RAB9B: variants seen among roughly 807,000 people sequenced by gnomAD.
The protein encoded by RAB9B is ras-related protein Rab-9B.
RAB9B carries 1 observed loss-of-function variant against 8.9 expected under a neutral mutation model. That is an observed-to-expected ratio of 0.11 (90% confidence interval 0.04 to 0.53). The LOEUF (loss-of-function observed/expected upper bound fraction) is 0.53. Ranked by LOEUF, RAB9B falls within the 20% of genes least tolerant of loss-of-function variation. The probability of loss-of-function intolerance (pLI) is 0.93; values close to 1 mark genes in which losing one functional copy is unlikely to be tolerated. For synonymous variants in RAB9B, 63 were observed against 57.0 expected (o/e 1.10, Z -0.47); for missense variants, 82 against 152.9 (o/e 0.54, Z 2.45).
the RAB9B span, among the ~76,000 whole-genome samples, chrX:103,777,520 G>C: frequency 8.9e-6 from 1 of 112,409 alleles, no homozygotes; most frequent in African/African-American, 3.2e-5. Flanking sequence ...TTCAGGAAAT[G>C]AAAGTAAAGT....
At chrX:103,781,590 G>A in the RAB9B span, among the ~76,000 whole-genome samples, 1 of 112,236 alleles carries the variant, frequency 8.9e-6, no homozygotes, top group African/African-American at 3.2e-5. Flanking sequence ...CTAAAGAAAG[G>A]GACTGGCCTT....
chrX:103,782,351 T>C, the RAB9B span, among the ~76,000 whole-genome samples: 1 of 112,217 alleles, frequency 8.9e-6, no homozygotes, highest in Non-Finnish European at 1.9e-5. Context: ...TGAGCTGTAG[T>C]GGAGCAGAAA....
In RAB9B at chrX:103,822,442, G is replaced by C. The variant is rs1007957339; in HGVS notation, c.*2737C>G. 2.7e-5 allele frequency: 3 copies of C among 111,503 alleles called. No homozygotes were observed. The highest frequency in any genetic ancestry group is 9.5e-5 in the Admixed American group (1 of 10,489). 9.2% of individuals were successfully genotyped at this position (111,503 alleles called of 1,213,427 possible). ...TTTTTTAGCAGCACCTGCAACAAGA[G>C]GATTGTGGAATACCTCAGAATAAAG... On this transcript the variant is annotated 3_prime_UTR_variant, in exon 3 of 3. Coordinates refer to ENST00000243298, the MANE Select transcript of RAB9B (RefSeq NM_016370.4).
chrX:103,798,076 T>G, the RAB9B span, among the ~76,000 whole-genome samples: 7 of 111,550 alleles, frequency 6.3e-5, no homozygotes. Context: ...AAACTGCACT[T>G]TAACAAGATC....
At chrX:103,780,450 T>TGCGTGTGTGTGTGTGTGC in the RAB9B span, among the ~76,000 whole-genome samples, 1 of 110,342 alleles carries the variant, frequency 9.1e-6, no homozygotes, top group Admixed American at 9.7e-5. Context: ...TGTGTGTGTG[T>TGCGTGTGTGTGTGTGTGC]GTGTGTGTGT....
chrX:103,809,796 CT>C, the RAB9B span, among the ~76,000 whole-genome samples: 141 of 103,649 alleles, frequency 1.4e-3, no homozygotes, highest in African/African-American at 1.5e-3. Context: ...GGTATTCATT[CT>C]TTTTTTTTTT....
chrX:103,801,976 C>T, the RAB9B span, among the ~76,000 whole-genome samples: 1 of 111,400 alleles, frequency 9.0e-6, no homozygotes, highest in Non-Finnish European at 1.9e-5. Flanking sequence ...CTAGTCTCTA[C>T]CATGAGGGGA....
chrX:103,784,853 T>A, the RAB9B span, among the ~76,000 whole-genome samples: 1 of 112,057 alleles, frequency 8.9e-6, no homozygotes, highest in East Asian at 2.8e-4. Flanking sequence ...TCTCTCTTCA[T>A]ATCCCGTATA....
At chrX:103,820,728 T>A (rs1396792772), downstream of RAB9B, among the ~76,000 whole-genome samples, 7 of 110,572 alleles carry the variant, frequency 6.3e-5, no homozygotes, top group African/African-American at 2.3e-4. Flanking sequence ...GGTGGGTGGA[T>A]CACTTGAGGC....
chrX:103,802,276 C>T, the RAB9B span, among the ~76,000 whole-genome samples: 2 of 95,913 alleles, frequency 2.1e-5, no homozygotes, highest in South Asian at 4.9e-4. Flanking sequence ...GAGAGAGAGG[C>T]GGGGGTGAAG....
chrX:103,790,902 T>C, the RAB9B span: 17 of 333,056 alleles, frequency 5.1e-5, no homozygotes, highest in Non-Finnish European at 1.1e-5. Context: ...TTTTCAAGCA[T>C]CTCCTGAGGA....
chrX:103,826,059 A>G lies in RAB9B; in HGVS notation c.-42-233T>C, dbSNP rs139421052. Among the ~76,000 whole-genome samples, 392 of 112,149 alleles carry G rather than the reference A, an allele frequency of 3.5e-3. 1 individual carries two copies. The highest frequency in any genetic ancestry group is 0.012 in the African/African-American group (370 of 30,901). On this transcript the variant is annotated intron_variant, in intron 2 of 2. Coordinates refer to ENST00000243298, the MANE Select transcript of RAB9B (RefSeq NM_016370.4). Reference sequence around the variant, plus strand: ...AGGAAAATGGCTGAGTGCCATGGGTAAATGGACTAGCAGATGGTCCTGTAA... The same window carrying G: ...AGGAAAATGGCTGAGTGCCATGGGTGAATGGACTAGCAGATGGTCCTGTAA...
chrX:103,815,965 T>A, the RAB9B span, among the ~76,000 whole-genome samples: 2 of 111,869 alleles, frequency 1.8e-5, no homozygotes, highest in Non-Finnish European at 3.8e-5. Flanking sequence ...TCCACGCACA[T>A]GGATATGAAG....
the RAB9B span, among the ~76,000 whole-genome samples, chrX:103,780,433 CTCTCTCTGTGTG>C: frequency 3.8e-5 from 1 of 26,595 alleles, no homozygotes; most frequent in African/African-American, 1.2e-4. Context: ...TTCATTCTGT[CTCTCTCTGTGTG>C]TGTGTGTGTG....
chrX:103,827,012 G>A lies in RAB9B; in HGVS notation c.-50C>T, dbSNP rs2074685867. ...CCCCCTTGAAATACCTACCCAGTGG[G>A]TTTTTGTCACAATTTAAATATTTTC... is the stretch of plus-strand genomic sequence containing the variant. On this transcript the variant is annotated 5_prime_UTR_variant, in exon 2 of 3. Transcript: ENST00000243298. 9.0e-6 allele frequency: 1 copy of A among 110,862 alleles called. No individual in the cohort carries two copies. The highest frequency in any genetic ancestry group is 1.9e-5 in the Non-Finnish European group (1 of 52,799). The allele number at this position is 110,862 out of a possible 1,213,427, so 9.1% of individuals were successfully genotyped here. A position where few individuals can be genotyped will look rare whatever the true frequency, so the allele number is the denominator to read the frequency against.
At chrX:103,806,356 T>C in the RAB9B span, among the ~76,000 whole-genome samples, 1 of 111,780 alleles carries the variant, frequency 8.9e-6, no homozygotes, top group Admixed American at 9.6e-5. Context: ...TCCTTTTATC[T>C]ATTGGTTATT....
At chrX:103,793,853 A>G in the RAB9B span, among the ~76,000 whole-genome samples, 4 of 112,183 alleles carry the variant, frequency 3.6e-5, no homozygotes, top group African/African-American at 9.7e-5. Context: ...GAAGATCAAG[A>G]TGCAGCAGTA....
At chrX:103,798,338 A>G in the RAB9B span, among the ~76,000 whole-genome samples, 1 of 112,013 alleles carries the variant, frequency 8.9e-6, no homozygotes. Context: ...TTGAAACATG[A>G]TATTATTAAT....
At chrX:103,793,642 C>T in the RAB9B span, among the ~76,000 whole-genome samples, 2 of 103,960 alleles carry the variant, frequency 1.9e-5, no homozygotes, top group Non-Finnish European at 3.9e-5. Flanking sequence ...GAACCGAAAG[C>T]CAGTTCCCAA....
Sources: gnomAD v4.1 joint callset for allele counts (sites outside exome capture counted in the v4.1 genomes callset) on GRCh38, gnomAD v4.1.1 for gene constraint, MANE v1.5 for transcripts, NCBI Gene and HGNC (gene_info 2026-07-23, HGNC 2026-07-21) for gene names.